PTK2: variants seen among roughly 807,000 people sequenced by gnomAD.
PTK2 encodes the protein focal adhesion kinase 1.
PTK2 carries 45 observed loss-of-function variants against 150.1 expected under a neutral mutation model. The observed-to-expected ratio is 0.30, with a 90% confidence interval of 0.24 to 0.38. The LOEUF (loss-of-function observed/expected upper bound fraction) is 0.38. Ranked by LOEUF, PTK2 falls within the 10% of genes least tolerant of loss-of-function variation. PTK2 has a pLI of 1.00. For synonymous variants in PTK2, 432 were observed against 449.2 expected, an observed-to-expected ratio of 0.96 and a Z score of 0.48; for missense variants, 919 against 1,307.3, an observed-to-expected ratio of 0.70 and a Z score of 4.58.
chr8:140,749,981 T>G (rs1351457979), intron 17 of PTK2, among the ~76,000 whole-genome samples: 1 of 152,230 alleles, frequency 6.6e-6, no homozygotes, highest in Non-Finnish European at 1.5e-5. Flanking sequence ...TTTTCATTTT[T>G]GAAAATATAA....
intron 7 of PTK2, among the ~76,000 whole-genome samples, chr8:140,838,418 C>G (rs1355845647): frequency 6.6e-6 from 1 of 152,196 alleles, no homozygotes; most frequent in Non-Finnish European, 1.5e-5. Context: ...CCCTGCACAT[C>G]CTCTCAGCCA....
intron 8 of PTK2, among the ~76,000 whole-genome samples, chr8:140,823,410 T>C (rs1409045866): frequency 2.6e-5 from 4 of 152,158 alleles, no homozygotes; most frequent in African/African-American, 9.7e-5. Context: ...TTTTTAAAAT[T>C]AACCTAAAAC....
intron 2 of PTK2, chr8:140,921,238 G>C: frequency 1.6e-6 from 1 of 643,960 alleles, no homozygotes; most frequent in Non-Finnish European, 2.0e-6. Context: ...CAGGGAAGGA[G>C]AAAGAGGGAG....
At position 140,748,918 on chromosome 8, in the gene PTK2, G is replaced by A. The variant is rs184359935; in HGVS notation, c.1418-2058C>T. ...CTGATTTCACAGACTATAAAAATGGGGAAAAATAATTCTGATGCCAAGCAA... is the reference window on the plus strand; with the variant it reads ...CTGATTTCACAGACTATAAAAATGGAGAAAAATAATTCTGATGCCAAGCAA... On this transcript the variant is annotated intron_variant, in intron 17 of 31. Coordinates refer to ENST00000522684, the Ensembl canonical transcript of PTK2. Among the ~76,000 whole-genome samples the A allele has an allele frequency of 1.4e-3, 213 of 152,148 alleles. 1 individual carries two copies. The highest frequency in any genetic ancestry group is 5.0e-3 in the African/African-American group (207 of 41,502).
intron 1 of PTK2, among the ~76,000 whole-genome samples, chr8:140,955,266 G>C (rs2100180840): frequency 6.6e-6 from 1 of 152,170 alleles, no homozygotes; most frequent in Non-Finnish European, 1.5e-5. Context: ...AATCATGGGG[G>C]CAGGTCTTTC....
At chr8:140,959,676 A>G (rs1226884651) in intron 1 of PTK2, among the ~76,000 whole-genome samples, 1 of 152,000 alleles carries the variant, frequency 6.6e-6, no homozygotes, top group Non-Finnish European at 1.5e-5. Context: ...AGGGATAAAG[A>G]AGGCCTAAAT....
At chr8:140,697,843 G>A (rs1488217718) in intron 26 of PTK2, among the ~76,000 whole-genome samples, 3 of 129,950 alleles carry the variant, frequency 2.3e-5, no homozygotes. Context: ...CCTCCCTTTA[G>A]GGTTTACTGT....
intron 3 of PTK2, among the ~76,000 whole-genome samples, chr8:140,886,311 T>A (rs1385196378): frequency 6.6e-6 from 1 of 152,182 alleles, no homozygotes; most frequent in Non-Finnish European, 1.5e-5. Flanking sequence ...ATGTGTGGAC[T>A]TTTCCAAGTA....
At chr8:140,984,448 A>G (rs942706533) in intron 1 of PTK2, among the ~76,000 whole-genome samples, 1 of 152,172 alleles carries the variant, frequency 6.6e-6, no homozygotes, top group Admixed American at 6.5e-5. Flanking sequence ...GAACTTAGGA[A>G]AAATGCAAGT....
intron 1 of PTK2, among the ~76,000 whole-genome samples, chr8:140,975,055 C>T (rs1468638511): frequency 2.6e-5 from 4 of 152,074 alleles, no homozygotes; most frequent in Admixed American, 1.3e-4. Context: ...TCAGTTGTGC[C>T]CTTAAGTCCT....
rs534779960 is a variant in PTK2 at position 140,706,891 on chromosome 8, A to C, written c.2143-686T>G. Among the ~76,000 whole-genome samples, 6 of 152,344 alleles carry C rather than the reference A, an allele frequency of 3.9e-5. No homozygotes were observed. The East Asian group carries it at 7.7e-4, about 20-fold the overall frequency. On this transcript the variant is annotated intron_variant, in intron 23 of 31. Transcript: ENST00000522684. ...GAAAAAAACAAATTAAGTAAACACA[A>C]ACATGTACATGAATGTTCTTAACAG...
intron 27 of PTK2, among the ~76,000 whole-genome samples, chr8:140,681,633 C>T (rs1029843639): frequency 3.1e-4 from 47 of 151,960 alleles, no homozygotes; most frequent in Non-Finnish European, 5.0e-4. Flanking sequence ...AAAAATTAGC[C>T]GGGCGTGGTG....
chr8:140,718,976 G>A (rs1293394142), intron 22 of PTK2, among the ~76,000 whole-genome samples: 1 of 152,144 alleles, frequency 6.6e-6, no homozygotes, highest in African/African-American at 2.4e-5. Context: ...AGGAGTTCAA[G>A]ACCAGCCTGG....
chr8:140,778,550 G>C (rs564751965), intron 14 of PTK2, among the ~76,000 whole-genome samples: 45 of 152,326 alleles, frequency 3.0e-4, no homozygotes, highest in Non-Finnish European at 3.7e-4. Context: ...TTTAAGGAAA[G>C]GTTCAAAGTG....
intron 1 of PTK2, among the ~76,000 whole-genome samples, chr8:140,965,190 A>G (rs1433858948): frequency 6.6e-6 from 1 of 152,190 alleles, no homozygotes; most frequent in African/African-American, 2.4e-5. Context: ...TCTCTAGTCT[A>G]AAGTCTCTCA....
At chr8:140,775,254 G>A (rs2100077743) in intron 14 of PTK2, among the ~76,000 whole-genome samples, 1 of 152,158 alleles carries the variant, frequency 6.6e-6, no homozygotes, top group Non-Finnish European at 1.5e-5. Flanking sequence ...GGAGGCAGAG[G>A]TGGGCAGATC....
intron 22 of PTK2, 144 bp from the exon 26 acceptor site, chr8:140,717,853 A>T: frequency 1.6e-6 from 1 of 614,586 alleles, no homozygotes; most frequent in Non-Finnish European, 2.9e-6. Flanking sequence ...GGAAAGAAGG[A>T]TCAGGTTTCT....
intron 21 of PTK2, among the ~76,000 whole-genome samples, chr8:140,736,517 A>C (rs2100052685): frequency 7.7e-6 from 1 of 130,684 alleles, no homozygotes; most frequent in Non-Finnish European, 1.6e-5. Context: ...GACCCTCTGA[A>C]TCTAAAATTC....
intron 10 of PTK2, among the ~76,000 whole-genome samples, chr8:140,812,702 T>A (rs1227632755): frequency 6.6e-6 from 1 of 151,906 alleles, no homozygotes; most frequent in Non-Finnish European, 1.5e-5. Flanking sequence ...ATCATTCAAA[T>A]GGAAAACAGA....
Sources: allele counts gnomAD v4.1 joint callset (sites outside exome capture counted in the v4.1 genomes callset), GRCh38; gene constraint gnomAD v4.1.1; transcripts MANE v1.5; gene names NCBI Gene and HGNC (gene_info 2026-07-23, HGNC 2026-07-21).